Variants in IGF2R observed in about 807,000 individuals in gnomAD.
IGF2R encodes insulin like growth factor 2 receptor, also known as cation-independent mannose-6-phosphate receptor.
In IGF2R, 91 loss-of-function variants were observed where a neutral mutation model predicts 270.6. That is an observed-to-expected ratio of 0.34 (90% CI 0.28 to 0.40). The LOEUF (loss-of-function observed/expected upper bound fraction) is 0.40. IGF2R is among the 10% of genes least tolerant of loss of function. The pLI, the probability that IGF2R is intolerant of heterozygous loss-of-function variation, is 1.00. For synonymous variants in IGF2R, 1,316 were observed against 1,258.9 expected (o/e 1.05, Z -0.96); for missense variants, 2,805 against 3,188.3 (o/e 0.88, Z 2.90).
In IGF2R at chr6:160,082,103, G is replaced by A. The variant is rs1163701537; in HGVS notation, c.5833+1828G>A. ...TTCACAATGTATATTCTTCTGTCAC[G>A]GCTTCAGCAGGTCCCTCCGTTCATG... is the stretch of plus-strand genomic sequence containing the variant. On this transcript the variant is annotated intron_variant, in intron 39 of 47. Coordinates refer to ENST00000356956, the MANE Select transcript of IGF2R (RefSeq NM_000876.4). Among the ~76,000 whole-genome samples the A allele has an allele frequency of 3.9e-5, 6 of 152,226 alleles. No individual in the cohort carries two copies. In the East Asian group the frequency reaches 9.6e-4, roughly 24 times the overall value.
chr6:160,036,700 A>G (rs1202745973), intron 10 of IGF2R, among the ~76,000 whole-genome samples: 1 of 152,146 alleles, frequency 6.6e-6, no homozygotes, highest in Non-Finnish European at 1.5e-5. Context: ...AGAGGTGTGG[A>G]CATCGATGAG....
At position 160,044,615 on chromosome 6, in the gene IGF2R, G is replaced by C. The variant is rs1483980943; in HGVS notation, c.1723G>C (p.Gly575Arg). The C allele has an allele frequency of 1.2e-6, 2 of 1,610,554 alleles. No individual in the cohort carries two copies. The highest frequency in any genetic ancestry group is 1.7e-6 in the Non-Finnish European group (2 of 1,178,508). ...SYSDGDDCGH[G>R]KKIKTNITLV... ...TTCAGATGGTGATGATTGTGGTCAT[G>C]GCAAGAAAATTAAAACTAATATCAC... The change falls in exon 13 of 48, where the codon GGC (glycine) becomes CGC (arginine). Residue 575 changes from glycine to arginine, a missense_variant. By Grantham distance (125) the Gly-to-Arg change is moderately radical. Around this residue, in one of 2 missense-constraint regions of IGF2R, gnomAD observed 954 missense variants for 981.1 expected, o/e 0.97. Transcript: ENST00000356956.
chr6:160,024,940 A>G lies in IGF2R; in HGVS notation c.646+236A>G, dbSNP rs1303742160. ...TCCATCCTAACTGTTGATCCATTCC[A>G]TGTGGGTGTTCTCTCGGCCAGACAC... On this transcript the variant is annotated intron_variant, in intron 5 of 47. Coordinates refer to ENST00000356956, the MANE Select transcript of IGF2R (RefSeq NM_000876.4). Among the ~76,000 whole-genome samples, 6 of 151,708 alleles carry G rather than the reference A, an allele frequency of 4.0e-5. No homozygotes were observed. The East Asian group carries it at 1.2e-3, about 29-fold the overall frequency.
chr6:159,981,410 G>T (rs1413378699), intron 1 of IGF2R, among the ~76,000 whole-genome samples: 1 of 152,172 alleles, frequency 6.6e-6, no homozygotes, highest in South Asian at 2.1e-4. Context: ...AGATGCCTCC[G>T]GACAGGGGCC....
intron 2 of IGF2R, among the ~76,000 whole-genome samples, 161 bp downstream of exon 2, chr6:159,991,484 A>G (rs1783978989): frequency 6.6e-6 from 1 of 152,250 alleles, no homozygotes; most frequent in African/African-American, 2.4e-5. Flanking sequence ...GTAGTTAAAA[A>G]TGCTAACGGT....
At chr6:160,045,444 G>A (rs938883106) in intron 13 of IGF2R, among the ~76,000 whole-genome samples, 1 of 152,160 alleles carries the variant, frequency 6.6e-6, no homozygotes, top group African/African-American at 2.4e-5. Flanking sequence ...ACATTGTTGT[G>A]TAATACCACC....
Position 160,027,229 on chromosome 6 carries a change from G to A in IGF2R, c.691G>A (p.Gly231Ser), listed in dbSNP as rs139454864. Residue 231 changes from glycine to serine, a missense_variant, in exon 6 of 48, where the codon GGC becomes AGC. This residue lies in a region of IGF2R where 954 missense variants were observed against 981.1 expected (regional missense o/e 0.97). Coordinates refer to ENST00000356956, the MANE Select transcript of IGF2R (RefSeq NM_000876.4). ...PGSQLRACPP[G>S]TAACLVRGHQ... ...TTCACAGCTGCGGGCCTGTCCCCCCGGCACTGCCGCCTGCCTGGTAAGAGG... is the reference window on the plus strand; with the variant it reads ...TTCACAGCTGCGGGCCTGTCCCCCCAGCACTGCCGCCTGCCTGGTAAGAGG... 76 of 1,614,208 alleles carry A rather than the reference G, an allele frequency of 4.7e-5. No homozygotes were observed. The African/African-American group carries it at 8.5e-4, about 18-fold the overall frequency.
At chr6:160,098,741 C>G (rs572960414) in intron 45 of IGF2R, among the ~76,000 whole-genome samples, 2 of 152,106 alleles carry the variant, frequency 1.3e-5, no homozygotes, top group Non-Finnish European at 2.9e-5. Context: ...ATTGCTTGAA[C>G]CTGGAAGGTG....
chr6:159,979,754 G>A (rs4708854), intron 1 of IGF2R, among the ~76,000 whole-genome samples: 31,114 of 151,712 alleles, frequency 0.21, 3,885 homozygotes, highest in East Asian at 0.46. Flanking sequence ...CAGTGTGTCT[G>A]GGTGGGCTGA....
intron 5 of IGF2R, among the ~76,000 whole-genome samples, chr6:160,026,837 C>G (rs1042141375): frequency 5.9e-5 from 9 of 152,236 alleles, no homozygotes; most frequent in Admixed American, 4.6e-4. Context: ...CCTAATTGTT[C>G]CAGTCATCTG....
intron 4 of IGF2R, among the ~76,000 whole-genome samples, chr6:160,012,954 G>A (rs1407658860): frequency 1.3e-5 from 2 of 151,688 alleles, no homozygotes; most frequent in Non-Finnish European, 2.9e-5. Flanking sequence ...CAAGTGTCCA[G>A]TTGGCCGGAT....
At chr6:160,009,608 T>G (rs1784302506) in intron 3 of IGF2R, among the ~76,000 whole-genome samples, 1 of 152,194 alleles carries the variant, frequency 6.6e-6, no homozygotes, top group South Asian at 2.1e-4. Flanking sequence ...TATTACCTGG[T>G]GTTTAAAGGG....
chr6:160,042,382 A>T (rs1405637703), intron 11 of IGF2R, among the ~76,000 whole-genome samples: 1 of 152,188 alleles, frequency 6.6e-6, no homozygotes, highest in Non-Finnish European at 1.5e-5. Flanking sequence ...CCAGTACCCA[A>T]CCTGCAAAGG....
At chr6:160,103,540 G>A (rs1779540750) in intron 46 of IGF2R, among the ~76,000 whole-genome samples, 1 of 152,102 alleles carries the variant, frequency 6.6e-6, no homozygotes, top group Non-Finnish European at 1.5e-5. Context: ...GGATTCCAAA[G>A]CCCATCTTCT....
intron 44 of IGF2R, chr6:160,093,671 C>T (rs1779282312): frequency 1.3e-6 from 1 of 751,160 alleles, no homozygotes; most frequent in South Asian, 1.4e-5. Context: ...AACTCTGGCT[C>T]ATTTCCAAAC....
At chr6:160,094,515 C>T (rs1424840978) in intron 44 of IGF2R, 1 of 155,034 alleles carries the variant, frequency 6.5e-6, no homozygotes, top group African/African-American at 2.4e-5. Flanking sequence ...CTCTGTTCTA[C>T]TTGGCACCCC....
intron 30 of IGF2R, among the ~76,000 whole-genome samples, chr6:160,069,615 A>G (rs1583290659): frequency 1.3e-5 from 2 of 152,300 alleles, no homozygotes; most frequent in African/African-American, 4.8e-5. Flanking sequence ...TTCGACTGCT[A>G]CAGCCTAGCT....
chr6:160,102,881 G>C lies in IGF2R; in HGVS notation c.6995+210G>C, dbSNP rs573188111. Among the ~76,000 whole-genome samples the C allele has an allele frequency of 8.5e-5, 13 of 152,276 alleles. No individual in the cohort carries two copies. In the South Asian group the frequency reaches 2.3e-3, roughly 27 times the overall value. On this transcript the variant is annotated intron_variant, in intron 46 of 47. Transcript: ENST00000356956. The surrounding 1 kb of genome is among the most constrained non-coding windows in gnomAD (Gnocchi z 4.5). ...CTGTCTGACCAAGGCCGAGGCCCTC[G>C]CACATCACCCGTGCCTGCGGCTTCT...
At chr6:160,013,573 TA>T (rs1784372770) in intron 4 of IGF2R, among the ~76,000 whole-genome samples, 1 of 152,238 alleles carries the variant, frequency 6.6e-6, no homozygotes, top group Non-Finnish European at 1.5e-5. Context: ...TGTACTCTCT[TA>T]CCTCTTCAGG....
Sources: allele counts gnomAD v4.1 joint callset (sites outside exome capture counted in the v4.1 genomes callset), GRCh38; gene constraint gnomAD v4.1.1; regional missense constraint gnomAD v4.1.1; non-coding constraint Gnocchi (gnomAD v3.1); transcripts MANE v1.5; gene names NCBI Gene and HGNC (gene_info 2026-07-23, HGNC 2026-07-21).